Variants in ANKRD55 observed in about 807,000 individuals in gnomAD.
The protein encoded by ANKRD55 is ankyrin repeat domain-containing protein 55.
ANKRD55 carries 41 observed loss-of-function variants against 60.6 expected under a neutral mutation model. The ratio of observed to expected loss-of-function variants is 0.68; its 90% CI spans 0.53 to 0.88. The LOEUF (loss-of-function observed/expected upper bound fraction) is 0.88, where lower values mean the gene tolerates loss of function less well. ANKRD55 is among the 40% of genes least tolerant of loss of function. The probability of loss-of-function intolerance (pLI) is 0.00; values close to 1 mark genes in which losing one functional copy is unlikely to be tolerated. For synonymous variants in ANKRD55, 264 were observed against 290.3 expected (o/e 0.91, Z 0.92); for missense variants, 732 against 767.6 (o/e 0.95, Z 0.55).
chr5:56,225,657 TGCAAAAATCACAA>T (rs1398434709), intron 2 of ANKRD55, among the ~76,000 whole-genome samples: 1 of 152,166 alleles, frequency 6.6e-6, no homozygotes, highest in Non-Finnish European at 1.5e-5. Context: ...AAAATCAATG[TGCAAAAATCACAA>T]GCATTCTTAT....
At chr5:56,221,980 C>T (rs974292034) in intron 2 of ANKRD55, among the ~76,000 whole-genome samples, 1 of 152,202 alleles carries the variant, frequency 6.6e-6, no homozygotes, top group Admixed American at 6.5e-5. Flanking sequence ...CCTTGTCTGG[C>T]AGCTTTGAAG....
intron 8 of ANKRD55, among the ~76,000 whole-genome samples, 156 bp downstream of exon 8, chr5:56,126,766 C>T (rs1241281022): frequency 6.6e-6 from 1 of 152,190 alleles, no homozygotes; most frequent in Non-Finnish European, 1.5e-5. Context: ...TCTCCTCTCA[C>T]TAAAATAGAG....
At chr5:56,126,639 A>G (rs977299598) in intron 8 of ANKRD55, among the ~76,000 whole-genome samples, 1 of 152,186 alleles carries the variant, frequency 6.6e-6, no homozygotes, top group Admixed American at 6.5e-5. Context: ...AAGAGGGCAC[A>G]TAGCAGGAAG....
chr5:56,145,724 T>A (rs980260633), intron 6 of ANKRD55, among the ~76,000 whole-genome samples: 2 of 152,218 alleles, frequency 1.3e-5, no homozygotes, highest in Non-Finnish European at 2.9e-5. Context: ...GACACTAGAA[T>A]TAGAAAATCC....
At chr5:56,121,896 C>T (rs1220824779) in intron 8 of ANKRD55, among the ~76,000 whole-genome samples, 1 of 151,984 alleles carries the variant, frequency 6.6e-6, no homozygotes, top group Admixed American at 6.6e-5. Flanking sequence ...TAAGAATTTC[C>T]ACTATTCATT....
chr5:56,136,049 A>G (rs1757590606), intron 7 of ANKRD55, among the ~76,000 whole-genome samples: 1 of 151,522 alleles, frequency 6.6e-6, no homozygotes, highest in Non-Finnish European at 1.5e-5. Flanking sequence ...GTGATGAAAA[A>G]CATCAAAGAA....
Position 56,111,567 on chromosome 5 carries a change from T to C in ANKRD55, c.1181A>G (p.Gln394Arg). The C allele has an allele frequency of 6.2e-7, 1 of 1,611,812 alleles. No individual in the cohort carries two copies. The highest frequency in any genetic ancestry group is 8.5e-7 in the Non-Finnish European group (1 of 1,179,188). The change falls in exon 10 of 12, where the codon CAA (glutamine) becomes CGA (arginine). Residue 394 changes from glutamine to arginine, a missense_variant. By Grantham distance (43) the Gln-to-Arg change is conservative (BLOSUM62 1). This residue lies in a region of ANKRD55 where 597 missense variants were observed against 607.5 expected (regional missense o/e 0.98). Coordinates refer to ENST00000341048, the MANE Select transcript of ANKRD55 (RefSeq NM_024669.3). Reference sequence around the variant, plus strand: ...AGCCACCTGATCACCAGGCTGTTCTTGGCAGTTGGTACCCACGATGCTATC... The same window carrying C: ...AGCCACCTGATCACCAGGCTGTTCTCGGCAGTTGGTACCCACGATGCTATC... ...TFDSIVGTNC[Q>R]EQPGDQVAMV... is the part of the protein sequence containing the mutation.
intron 2 of ANKRD55, among the ~76,000 whole-genome samples, chr5:56,218,357 T>C (rs1194550519): frequency 1.3e-5 from 2 of 151,366 alleles, no homozygotes; most frequent in African/African-American, 4.9e-5. Flanking sequence ...AAAGAAGGAG[T>C]CAATTGATGC....
In ANKRD55 at chr5:56,187,965, G is replaced by T. The variant is rs1033223020; in HGVS notation, c.59-4331C>A. ...AATATCCAGTTGAACTGATTGAAGG[G>T]TGGTTAAGTATGTAGTTTTTGCACT... On this transcript the variant is annotated intron_variant, in intron 2 of 11. Coordinates refer to ENST00000341048, the MANE Select transcript of ANKRD55 (RefSeq NM_024669.3). 3.3e-5 allele frequency among the ~76,000 whole-genome samples: 5 copies of T among 152,138 alleles called. No individual in the cohort carries two copies. In the East Asian group the frequency reaches 9.6e-4, roughly 29 times the overall value.
At chr5:56,176,861 C>T (rs1561282001) in intron 3 of ANKRD55, among the ~76,000 whole-genome samples, 1 of 152,182 alleles carries the variant, frequency 6.6e-6, no homozygotes, top group African/African-American at 2.4e-5. Flanking sequence ...TTTTGATGAA[C>T]TTTGCAGGGC....
intron 6 of ANKRD55, among the ~76,000 whole-genome samples, chr5:56,158,656 C>G (rs376372097): frequency 2.6e-5 from 4 of 152,192 alleles, no homozygotes; most frequent in African/African-American, 9.6e-5. Context: ...GCAGGTAACC[C>G]GGAATTATTA....
At chr5:56,113,488 G>T (rs1042894666) in intron 9 of ANKRD55, among the ~76,000 whole-genome samples, 1 of 152,170 alleles carries the variant, frequency 6.6e-6, no homozygotes, top group Admixed American at 6.5e-5. Flanking sequence ...ATATACGGAG[G>T]TGTGATGATT....
chr5:56,183,174 A>G (rs1309542177), intron 3 of ANKRD55, among the ~76,000 whole-genome samples: 2 of 152,232 alleles, frequency 1.3e-5, no homozygotes, highest in African/African-American at 4.8e-5. Flanking sequence ...AAATAATACC[A>G]AAGAAATGCA....
chr5:56,105,539 A>G (rs1161639030), intron 10 of ANKRD55, among the ~76,000 whole-genome samples: 1 of 152,234 alleles, frequency 6.6e-6, no homozygotes, highest in African/African-American at 2.4e-5. Flanking sequence ...AACCCAAAAT[A>G]ATAACAAGGG....
intron 2 of ANKRD55, among the ~76,000 whole-genome samples, chr5:56,231,688 CACACACACAT>C (rs947881881): frequency 6.9e-5 from 9 of 130,410 alleles, no homozygotes; most frequent in Non-Finnish European, 1.1e-4. Flanking sequence ...CACACACACA[CACACACACAT>C]ACACATACAC....
At chr5:56,102,305 G>A (rs1029547760) in intron 11 of ANKRD55, among the ~76,000 whole-genome samples, 189 bp downstream of exon 11, 1 of 151,954 alleles carries the variant, frequency 6.6e-6, no homozygotes, top group African/African-American at 2.4e-5. Flanking sequence ...CAGGGGAATC[G>A]CTTGAACCTG....
chr5:56,157,910 C>T (rs897676822), intron 6 of ANKRD55, among the ~76,000 whole-genome samples: 34 of 152,264 alleles, frequency 2.2e-4, no homozygotes, highest in African/African-American at 7.5e-4. Flanking sequence ...TTTCTCAAGT[C>T]TCTCGTTCCA....
intron 3 of ANKRD55, among the ~76,000 whole-genome samples, chr5:56,177,996 A>T (rs1008681420): frequency 2.6e-5 from 4 of 152,074 alleles, no homozygotes; most frequent in African/African-American, 9.7e-5. Context: ...TTAATATTTT[A>T]CAATTATGTA....
At chr5:56,134,580 CAA>C (rs56053693) in intron 7 of ANKRD55, among the ~76,000 whole-genome samples, 22,766 of 109,786 alleles carry the variant, frequency 0.21, 2,154 homozygotes, top group South Asian at 0.28. Flanking sequence ...GACTCTGTCT[CAA>C]AAAAAAAAAA....
Sources: allele counts gnomAD v4.1 joint callset (sites outside exome capture counted in the v4.1 genomes callset), GRCh38; gene constraint gnomAD v4.1.1; regional missense constraint gnomAD v4.1.1; transcripts MANE v1.5; gene names NCBI Gene and HGNC (gene_info 2026-07-23, HGNC 2026-07-21).